The following PDE4C variants were observed in gnomAD, a reference collection of about 807,000 sequenced individuals.
PDE4C encodes phosphodiesterase 4C, also known as 3',5'-cyclic-AMP phosphodiesterase 4C.
Under a neutral mutation model 63.9 loss-of-function variants are expected in PDE4C, and 50 were observed. The observed-to-expected ratio is 0.78, with a 90% confidence interval of 0.62 to 0.99. The LOEUF (loss-of-function observed/expected upper bound fraction) is 0.99, where lower values mean the gene tolerates loss of function less well. Ranked by LOEUF, PDE4C falls within the 50% of genes least tolerant of loss-of-function variation. The pLI is 0.00. For missense variants in PDE4C, 777 were observed against 899.1 expected (o/e 0.86, Z 1.74); for synonymous variants, 377 against 385.1 (o/e 0.98, Z 0.25).
chr19:18,221,007 C>T, intron 4 of PDE4C, 84 bp from the exon 5 acceptor site: 2 of 1,517,120 alleles, frequency 1.3e-6, no homozygotes, highest in Non-Finnish European at 1.8e-6. Context: ...CTCAAACCCA[C>T]CTGGAGGCGC....
chr19:18,252,401 GT>G (rs1287248587), upstream of PDE4C: 6 of 399,046 alleles, frequency 1.5e-5, no homozygotes, highest in Non-Finnish European at 2.7e-5. Flanking sequence ...TGTGGGTGCT[GT>G]GGGCGAAGGG....
intron 7 of PDE4C, chr19:18,219,718 G>T: frequency 3.8e-6 from 1 of 263,872 alleles, no homozygotes; most frequent in Non-Finnish European, 7.2e-6. Context: ...CAGCTACTCA[G>T]GAGGCTGAGG....
At chr19:18,249,161 G>T (rs894701765), upstream of PDE4C, among the ~76,000 whole-genome samples, 1 of 152,066 alleles carries the variant, frequency 6.6e-6, no homozygotes. Flanking sequence ...GAGAGATGGG[G>T]TTTTGCCATT....
At chr19:18,213,595 C>T in intron 12 of PDE4C, 105 bp from the exon 13 acceptor site, 2 of 1,201,614 alleles carry the variant, frequency 1.7e-6, no homozygotes, top group South Asian at 3.1e-5. Flanking sequence ...CCCTCTGGGC[C>T]TCAGCATACT....
In PDE4C at chr19:18,220,357, C is replaced by T. The variant is rs1568668525; in HGVS notation, c.613-38G>A. On this transcript the variant is annotated intron_variant, in intron 6 of 14. Transcript: ENST00000262805. This position sits in a 1 kb window ranked among gnomAD's most constrained non-coding sequence, Gnocchi z 5.1. Reference sequence around the variant, plus strand: ...GAAGGTGAAGACCGTGATGATGGGGCACCGTGGGCCGAGGCAGGTGAGCTC... The same window carrying T: ...GAAGGTGAAGACCGTGATGATGGGGTACCGTGGGCCGAGGCAGGTGAGCTC... 6.2e-7 allele frequency: 1 copy of T among 1,612,342 alleles called. No individual in the cohort carries two copies. Among genetic ancestry groups the T allele is most frequent in the African/African-American group, 1.3e-5 (1 of 75,000 alleles).
At chr19:18,232,252 C>G (rs1388479208) in intron 1 of PDE4C, among the ~76,000 whole-genome samples, 2 of 151,994 alleles carry the variant, frequency 1.3e-5, no homozygotes, top group Non-Finnish European at 2.9e-5. Context: ...GTAGTCCCAG[C>G]TACTCGAGAC....
upstream of PDE4C, among the ~76,000 whole-genome samples, chr19:18,227,461 C>G (rs906740758): frequency 6.6e-6 from 1 of 152,160 alleles, no homozygotes; most frequent in Admixed American, 6.5e-5. Flanking sequence ...TTCTGTCCTG[C>G]GAAACCTCAG....
At chr19:18,253,039 C>T (rs192467970), upstream of PDE4C, among the ~76,000 whole-genome samples, 6 of 152,302 alleles carry the variant, frequency 3.9e-5, no homozygotes, top group Admixed American at 2.6e-4. Flanking sequence ...GGTCTGAAGT[C>T]CCACAGCCTG....
chr19:18,232,885 C>G lies in PDE4C; in HGVS notation c.242+65G>C, dbSNP rs1448345919. ...CCCTGGAGAAGCAAGGACCCTCCCCCACTCCCGCCAGGCCCCGCGCGCCCC... is the reference window on the plus strand; with the variant it reads ...CCCTGGAGAAGCAAGGACCCTCCCCGACTCCCGCCAGGCCCCGCGCGCCCC... On this transcript the variant is annotated intron_variant, in intron 1 of 14. Coordinates refer to the PDE4C transcript ENST00000594465. The G allele has an allele frequency of 5.0e-6, 7 of 1,408,976 alleles. No individual in the cohort carries two copies. The Admixed American group carries it at 1.2e-4, about 25-fold the overall frequency. 87.3% of individuals were successfully genotyped at this position (1,408,976 alleles called of 1,614,324 possible).
rs202088570 is a variant in PDE4C, at chr19:18,219,014, C to T, written c.895G>A (p.Gly299Arg). ...TCCGCCACCTTGAACACATCAAGTC[C>T]CCACTTGTTGGTGTCTTCTAGCTCC... The change falls in exon 9 of 15, where the codon GGA (glycine) becomes AGA (arginine). Residue 299 changes from glycine to arginine, a missense_variant. This residue lies in a region of PDE4C where 500 missense variants were observed against 597.8 expected (regional missense o/e 0.84). Coordinates refer to ENST00000262805, the Ensembl canonical transcript of PDE4C. 3.1e-6 allele frequency: 5 copies of T among 1,613,272 alleles called. No homozygotes were observed. In the East Asian group the frequency reaches 1.1e-4, roughly 36 times the overall value.
At chr19:18,229,102 A>ATTTTTTTTTTTTTT (rs56379821), upstream of PDE4C, among the ~76,000 whole-genome samples, 2 of 124,550 alleles carry the variant, frequency 1.6e-5, no homozygotes, top group Non-Finnish European at 3.3e-5. Flanking sequence ...TGCCAAGCTA[A>ATTTTTTTTTTTTTT]TTTTTTTTTT....
At position 18,220,513 on chromosome 19, in the gene PDE4C, C is replaced by T. The variant is rs755640528; in HGVS notation, c.502G>A (p.Asp168Asn). 6.2e-7 allele frequency: 1 copy of T among 1,611,148 alleles called. No individual in the cohort carries two copies. Among genetic ancestry groups the T allele is most frequent in the South Asian group, 1.1e-5 (1 of 90,918 alleles). Residue 168 changes from aspartate to asparagine, a missense_variant and splice_region_variant, in exon 6 of 15, where the codon GAC becomes AAC. Asp to Asn is a conservative substitution (Grantham distance 23). This residue lies in a region of PDE4C where 249 missense variants were observed against 247.8 expected (regional missense o/e 1.00). Coordinates refer to ENST00000262805, the Ensembl canonical transcript of PDE4C. The surrounding 1 kb of genome is among the most constrained non-coding windows in gnomAD (Gnocchi z 5.1). The stretch of plus-strand genomic sequence containing the variant: ...TCCAATGCCAGCTTCTGCCCCGTGT[C>T]CTCTGGGAGCCGAGGCAGTCAGGGG...
intron 12 of PDE4C, among the ~76,000 whole-genome samples, chr19:18,214,970 T>G (rs1387488870): frequency 6.7e-6 from 1 of 148,212 alleles, no homozygotes; most frequent in Admixed American, 6.8e-5. Context: ...AAAAAAAAAC[T>G]TAACCCACCC....
chr19:18,231,319 G>A (rs917348085), upstream of PDE4C, among the ~76,000 whole-genome samples: 7 of 152,240 alleles, frequency 4.6e-5, no homozygotes, highest in South Asian at 2.1e-4. Flanking sequence ...CCAATCCACC[G>A]CTCCTGCCTC....
At chr19:18,224,645 C>A (rs974827944) in intron 1 of PDE4C, among the ~76,000 whole-genome samples, 1 of 152,224 alleles carries the variant, frequency 6.6e-6, no homozygotes, top group Admixed American at 6.5e-5. Context: ...ACGCTCGGGC[C>A]GGGTCGGGCA....
At chr19:18,239,393 A>G (rs8102661) in intron 1 of PDE4C, among the ~76,000 whole-genome samples, 5,431 of 152,306 alleles carry the variant, frequency 0.036, 318 homozygotes, top group African/African-American at 0.12. Flanking sequence ...TGAGCTCTTC[A>G]GCGCAACAGA....
At chr19:18,246,127 T>C (rs1969126176) in intron 1 of PDE4C, among the ~76,000 whole-genome samples, 1 of 150,542 alleles carries the variant, frequency 6.6e-6, no homozygotes, top group Non-Finnish European at 1.5e-5. Flanking sequence ...GCGATCCTCC[T>C]GCCTCAGCCT....
At chr19:18,244,700 CG>C (rs1445060782) in intron 1 of PDE4C, among the ~76,000 whole-genome samples, 1 of 151,828 alleles carries the variant, frequency 6.6e-6, no homozygotes, top group African/African-American at 2.4e-5. Flanking sequence ...TTAGTAGAGA[CG>C]GGGTTTCTCC....
intron 1 of PDE4C, among the ~76,000 whole-genome samples, chr19:18,240,535 G>A (rs544473143): frequency 5.9e-5 from 9 of 151,658 alleles, no homozygotes; most frequent in Non-Finnish European, 1.0e-4. Flanking sequence ...AGACCAGCCC[G>A]GCCAACATGC....
Sources: gnomAD v4.1 joint callset for allele counts (sites outside exome capture counted in the v4.1 genomes callset) on GRCh38, gnomAD v4.1.1 for gene constraint, gnomAD v4.1.1 regional missense constraint, Gnocchi (gnomAD v3.1) non-coding constraint, MANE v1.5 for transcripts, NCBI Gene and HGNC (gene_info 2026-07-23, HGNC 2026-07-21) for gene names.